Variants in TSHZ2 observed in about 807,000 individuals in gnomAD.
TSHZ2 encodes teashirt homolog 2.
In TSHZ2, 21 loss-of-function variants were observed where a neutral mutation model predicts 74.4. That is an observed-to-expected ratio of 0.28 (90% CI 0.20 to 0.41). TSHZ2 has a LOEUF of 0.41. Ranked by LOEUF, TSHZ2 falls within the 10% of genes least tolerant of loss-of-function variation. The pLI, the probability that TSHZ2 is intolerant of heterozygous loss-of-function variation, is 1.00. For synonymous variants in TSHZ2, 540 were observed against 515.3 expected, an observed-to-expected ratio of 1.05 and a Z score of -0.65; for missense variants, 1,244 against 1,293.5, an observed-to-expected ratio of 0.96 and a Z score of 0.59.
intron 1 of TSHZ2, among the ~76,000 whole-genome samples, chr20:53,209,089 C>A (rs1233770336): frequency 6.6e-6 from 1 of 152,104 alleles, no homozygotes; most frequent in African/African-American, 2.4e-5. Flanking sequence ...ATTTAAAATG[C>A]AAATATGCAC....
intron 2 of TSHZ2, among the ~76,000 whole-genome samples, chr20:53,477,595 G>A (rs1173765178): frequency 6.8e-6 from 1 of 146,138 alleles, no homozygotes; most frequent in Non-Finnish European, 1.5e-5. Context: ...CAGGACATAG[G>A]CATGGGCAAG....
intron 2 of TSHZ2, among the ~76,000 whole-genome samples, chr20:53,483,209 G>T (rs1035379659): frequency 2.6e-5 from 3 of 116,964 alleles, no homozygotes; most frequent in Non-Finnish European, 5.5e-5. Context: ...CCAAGGCGGG[G>T]AGAATGGCTT....
chr20:53,050,165 G>GTGTA (rs761067715), intron 1 of TSHZ2, among the ~76,000 whole-genome samples: 4 of 110,028 alleles, frequency 3.6e-5, no homozygotes, highest in African/African-American at 6.8e-5. Flanking sequence ...ACATATATAT[G>GTGTA]TACATATATA....
chr20:53,252,938 TA>T (rs1241009899), intron 1 of TSHZ2, among the ~76,000 whole-genome samples: 9 of 152,160 alleles, frequency 5.9e-5, no homozygotes, highest in African/African-American at 2.2e-4. Context: ...TCCCTACAAA[TA>T]AAAATGTTAT....
At chr20:53,333,191 ATATT>A (rs1315149138) in intron 2 of TSHZ2, among the ~76,000 whole-genome samples, 8 of 152,218 alleles carry the variant, frequency 5.3e-5, no homozygotes, top group Non-Finnish European at 1.2e-4. Context: ...GATTGAACAA[ATATT>A]TATTTAGAGC....
chr20:53,356,454 G>A (rs1380654780), intron 2 of TSHZ2, among the ~76,000 whole-genome samples: 5 of 152,146 alleles, frequency 3.3e-5, no homozygotes, highest in Non-Finnish European at 7.3e-5. Flanking sequence ...TGCTTTAACA[G>A]CCTGCTGTCA....
chr20:53,340,195 T>TTTTC (rs1980136310), intron 2 of TSHZ2, among the ~76,000 whole-genome samples: 1 of 73,842 alleles, frequency 1.4e-5, no homozygotes, highest in Admixed American at 1.0e-4. Flanking sequence ...TTTTTTTTTT[T>TTTTC]TTTTTGAGAT....
At chr20:53,369,151 G>A (rs1398736430) in intron 2 of TSHZ2, among the ~76,000 whole-genome samples, 4 of 152,168 alleles carry the variant, frequency 2.6e-5, no homozygotes, top group South Asian at 4.1e-4. Context: ...TGTAGTCCCA[G>A]CTACTCAGGA....
intron 1 of TSHZ2, among the ~76,000 whole-genome samples, chr20:53,233,148 C>T (rs2123675652): frequency 6.6e-6 from 1 of 152,308 alleles, no homozygotes; most frequent in South Asian, 2.1e-4. Flanking sequence ...GTAAGATTCA[C>T]CCTAATTCCC....
chr20:53,347,561 GATTT>G (rs922115844), intron 2 of TSHZ2, among the ~76,000 whole-genome samples: 5 of 151,968 alleles, frequency 3.3e-5, no homozygotes, highest in African/African-American at 1.2e-4. Flanking sequence ...ATTAAATATT[GATTT>G]ATTTATTGTC....
chr20:53,282,234 A>G (rs1235418117), intron 2 of TSHZ2, among the ~76,000 whole-genome samples: 1 of 152,256 alleles, frequency 6.6e-6, no homozygotes, highest in African/African-American at 2.4e-5. Context: ...GTCCAAAAAA[A>G]GGATCAAAAG....
chr20:53,232,528 A>G (rs1002668391), intron 1 of TSHZ2, among the ~76,000 whole-genome samples: 2 of 152,196 alleles, frequency 1.3e-5, no homozygotes, highest in African/African-American at 4.8e-5. Flanking sequence ...AGAAACTTAG[A>G]TGTGTTGCAA....
At chr20:53,102,874 T>C (rs951859172) in intron 1 of TSHZ2, among the ~76,000 whole-genome samples, 2 of 148,764 alleles carry the variant, frequency 1.3e-5, no homozygotes, top group African/African-American at 5.0e-5. Context: ...ATCTTTCTTT[T>C]TTTTTTTTAT....
chr20:52,988,747 T>C (rs1380353536), intron 1 of TSHZ2, among the ~76,000 whole-genome samples: 1 of 152,024 alleles, frequency 6.6e-6, no homozygotes, highest in East Asian at 1.9e-4. Flanking sequence ...TAAACAAAAG[T>C]AGAAAAAAAT....
intron 1 of TSHZ2, among the ~76,000 whole-genome samples, chr20:53,165,237 A>C (rs2123472838): frequency 6.6e-6 from 1 of 152,364 alleles, no homozygotes; most frequent in South Asian, 2.1e-4. Context: ...TTTCATTCCC[A>C]TTCAATCTTT....
At chr20:53,434,717 ACT>A (rs1983979718) in intron 2 of TSHZ2, among the ~76,000 whole-genome samples, 1 of 152,120 alleles carries the variant, frequency 6.6e-6, no homozygotes, top group Non-Finnish European at 1.5e-5. Flanking sequence ...ACACCATTAG[ACT>A]CTGCGTAGAT....
At chr20:53,318,651 G>A (rs921444090) in intron 2 of TSHZ2, among the ~76,000 whole-genome samples, 1 of 152,202 alleles carries the variant, frequency 6.6e-6, no homozygotes, top group Admixed American at 6.5e-5. Flanking sequence ...AGAAGGGACA[G>A]TTGCTAGGCT....
At chr20:53,354,717 ACT>A (rs1368152667) in intron 2 of TSHZ2, among the ~76,000 whole-genome samples, 1 of 152,212 alleles carries the variant, frequency 6.6e-6, no homozygotes, top group Non-Finnish European at 1.5e-5. Context: ...GCAACTAGAC[ACT>A]CTGTGTACAG....
chr20:53,174,758 A>C (rs1228785928), intron 1 of TSHZ2, among the ~76,000 whole-genome samples: 1 of 152,210 alleles, frequency 6.6e-6, no homozygotes, highest in Non-Finnish European at 1.5e-5. Flanking sequence ...GGGTGATTCA[A>C]GTCCACGGAG....
Sources: gnomAD v4.1 joint callset for allele counts (sites outside exome capture counted in the v4.1 genomes callset) on GRCh38, gnomAD v4.1.1 for gene constraint, MANE v1.5 for transcripts, NCBI Gene and HGNC (gene_info 2026-07-23, HGNC 2026-07-21) for gene names.